Variants in RBMS3 observed in about 807,000 individuals in gnomAD.
The protein encoded by RBMS3 is RNA binding motif single stranded interacting protein 3, also known as RNA-binding motif, single-stranded-interacting protein 3.
RBMS3 carries 27 observed loss-of-function variants against 66.8 expected under a neutral mutation model. The observed-to-expected ratio is 0.40, with a 90% CI of 0.30 to 0.56. The LOEUF is 0.56. Ranked by LOEUF, RBMS3 falls within the 20% of genes least tolerant of loss-of-function variation. The pLI, the probability that RBMS3 is intolerant of heterozygous loss-of-function variation, is 0.40. For synonymous variants in RBMS3, 188 were observed against 183.0 expected (o/e 1.03, Z -0.22); for missense variants, 513 against 549.5 (o/e 0.93, Z 0.66).
At chr3:29,931,988 C>T (rs1393358440) in intron 10 of RBMS3, among the ~76,000 whole-genome samples, 1 of 151,872 alleles carries the variant, frequency 6.6e-6, no homozygotes, top group Admixed American at 6.6e-5. Context: ...GATAAGACAG[C>T]AGAAAAAAAG....
chr3:29,632,346 T>TG (rs2049316142), intron 4 of RBMS3, among the ~76,000 whole-genome samples: 5 of 151,996 alleles, frequency 3.3e-5, no homozygotes, highest in Admixed American at 3.3e-4. Context: ...TTAACAGTCC[T>TG]AGGGGGAGAA....
chr3:29,780,536 A>G (rs1480198513), intron 6 of RBMS3, among the ~76,000 whole-genome samples: 1 of 152,130 alleles, frequency 6.6e-6, no homozygotes, highest in Non-Finnish European at 1.5e-5. Flanking sequence ...AAGAGATTTC[A>G]TTAATATTCA....
At chr3:29,851,189 T>C (rs912507937) in intron 6 of RBMS3, among the ~76,000 whole-genome samples, 2 of 152,232 alleles carry the variant, frequency 1.3e-5, no homozygotes, top group South Asian at 4.1e-4. Flanking sequence ...TCCCTTTTAC[T>C]AAAGTATAAT....
intron 4 of RBMS3, among the ~76,000 whole-genome samples, chr3:29,660,577 A>G (rs1348287385): frequency 6.6e-6 from 1 of 152,070 alleles, no homozygotes; most frequent in Non-Finnish European, 1.5e-5. Flanking sequence ...TATGCTGTGT[A>G]GCTTTTTTGT....
chr3:29,792,999 G>A (rs143608484), intron 6 of RBMS3, among the ~76,000 whole-genome samples: 730 of 152,258 alleles, frequency 4.8e-3, no homozygotes, highest in Middle Eastern at 0.01. Context: ...AGCGCTTTGG[G>A]AGGCCAAGGG....
intron 3 of RBMS3, among the ~76,000 whole-genome samples, chr3:29,583,011 A>T (rs754726007): frequency 2.6e-5 from 4 of 152,064 alleles, no homozygotes; most frequent in African/African-American, 4.8e-5. Flanking sequence ...TTTTAATTTT[A>T]TTTATGAAGC....
intron 1 of RBMS3, among the ~76,000 whole-genome samples, chr3:29,316,377 T>G (rs535442626): frequency 1.3e-5 from 2 of 151,876 alleles, no homozygotes; most frequent in South Asian, 4.2e-4. Context: ...AATTGAAAGT[T>G]CAGCTTAAAT....
intron 4 of RBMS3, among the ~76,000 whole-genome samples, chr3:29,737,812 A>ATGG (rs1383323738): frequency 1.3e-5 from 2 of 149,570 alleles, no homozygotes; most frequent in Non-Finnish European, 3.0e-5. Context: ...GATATTGATG[A>ATGG]TGGTGGTGGT....
At chr3:29,438,029 TC>T (rs1326751579) in intron 2 of RBMS3, among the ~76,000 whole-genome samples, 596 of 27,616 alleles carry the variant, frequency 0.022, 4 homozygotes, top group African/African-American at 0.11. Context: ...CTTGCTTGTT[TC>T]TCTCTCTCTC....
chr3:29,847,669 T>G (rs1041193910), intron 6 of RBMS3, among the ~76,000 whole-genome samples: 1 of 152,074 alleles, frequency 6.6e-6, no homozygotes, highest in African/African-American at 2.4e-5. Flanking sequence ...ATTTTTTATT[T>G]TTTTGAGACG....
In RBMS3 at chr3:29,302,263, C is replaced by T. The variant is rs958776920; in HGVS notation, c.75+20507C>T. 2.6e-5 allele frequency among the ~76,000 whole-genome samples: 4 copies of T among 152,084 alleles called. No homozygotes were observed. In the South Asian group the frequency reaches 6.2e-4, roughly 24 times the overall value. ...CTGGGCTCAAGTAACCCTCCCACCT[C>T]GGCCTCCCAAAGTGCTGGGATTACA... On this transcript the variant is annotated intron_variant, in intron 1 of 14. Transcript: ENST00000383767.
intron 8 of RBMS3, 75 bp from the exon 9 acceptor site, chr3:29,897,304 G>A: frequency 1.5e-6 from 2 of 1,299,240 alleles, no homozygotes; most frequent in Non-Finnish European, 2.2e-6. Flanking sequence ...TTTCCCATAG[G>A]TACTTGATAG....
chr3:29,394,336 C>T (rs370045546), intron 1 of RBMS3, among the ~76,000 whole-genome samples: 53 of 152,324 alleles, frequency 3.5e-4, no homozygotes, highest in African/African-American at 1.3e-3. Flanking sequence ...CTGAAAATCG[C>T]TGTTATCCTG....
chr3:29,883,833 G>A (rs2059793092), intron 7 of RBMS3, among the ~76,000 whole-genome samples: 1 of 151,950 alleles, frequency 6.6e-6, no homozygotes, highest in Non-Finnish European at 1.5e-5. Context: ...GCCATGAGAT[G>A]TACAATAGGT....
Position 29,472,849 on chromosome 3 carries a change from G to C in RBMS3, c.249-15592G>C, listed in dbSNP as rs368348953. On this transcript the variant is annotated intron_variant, in intron 2 of 14. Transcript: ENST00000383767. ...AGAACAAAGCTTTCAAAGTCTGGAA[G>C]GGGTCCCAAGCGGTTGCCATGGCTG... 2.6e-5 allele frequency among the ~76,000 whole-genome samples: 4 copies of C among 152,110 alleles called. 1 individual carries two copies. The South Asian group carries it at 8.3e-4, about 31-fold the overall frequency.
At chr3:29,429,933 TTTTA>T (rs3041547) in intron 1 of RBMS3, among the ~76,000 whole-genome samples, 82,848 of 149,660 alleles carry the variant, frequency 0.55, 23,034 homozygotes, top group Admixed American at 0.63. Context: ...TTGACACTTC[TTTTA>T]TTTATTTATT....
chr3:29,945,357 G>T (rs768836299), intron 12 of RBMS3, among the ~76,000 whole-genome samples: 12 of 151,542 alleles, frequency 7.9e-5, no homozygotes, highest in Non-Finnish European at 1.5e-4. Flanking sequence ...TATGTTCCTG[G>T]CTGAATACTC....
intron 1 of RBMS3, among the ~76,000 whole-genome samples, chr3:29,426,399 C>T (rs2040961835): frequency 6.6e-6 from 1 of 152,044 alleles, no homozygotes; most frequent in Non-Finnish European, 1.5e-5. Flanking sequence ...TTCCAAGTAC[C>T]ATGAATTTTA....
chr3:29,682,420 G>A (rs112181441), intron 4 of RBMS3, among the ~76,000 whole-genome samples: 7,763 of 152,236 alleles, frequency 0.051, 693 homozygotes, highest in African/African-American at 0.18. Context: ...CCCAAAGTGC[G>A]GGGATGACAG....
Sources: allele counts gnomAD v4.1 joint callset (sites outside exome capture counted in the v4.1 genomes callset), GRCh38; gene constraint gnomAD v4.1.1; transcripts MANE v1.5; gene names NCBI Gene and HGNC (gene_info 2026-07-23, HGNC 2026-07-21).